The following COG7 variants were observed in gnomAD, a reference collection of about 807,000 sequenced individuals.
The protein encoded by COG7 is conserved oligomeric Golgi complex subunit 7.
A neutral mutation model predicts 91.5 loss-of-function variants in COG7; 49 were observed. The ratio of observed to expected loss-of-function variants is 0.54; its 90% CI spans 0.43 to 0.68. The LOEUF (loss-of-function observed/expected upper bound fraction) is 0.68, where lower values mean the gene tolerates loss of function less well. Among genes scored for constraint, COG7 ranks in the 30% least tolerant of loss-of-function variants. COG7 has a pLI of 0.00. For missense variants in COG7, 895 were observed against 961.3 expected, an observed-to-expected ratio of 0.93 and a Z score of 0.91; for synonymous variants, 365 against 388.7, an observed-to-expected ratio of 0.94 and a Z score of 0.72.
At chr16:23,431,579 G>A (rs1473402831) in intron 6 of COG7, among the ~76,000 whole-genome samples, 1 of 152,068 alleles carries the variant, frequency 6.6e-6, no homozygotes, top group East Asian at 1.9e-4. Flanking sequence ...GGAGGTCGAG[G>A]TGGGTGGTCA....
chr16:23,444,935 G>T (rs1964157981), intron 3 of COG7, 113 bp downstream of exon 3: 1 of 841,054 alleles, frequency 1.2e-6, no homozygotes. Flanking sequence ...CCCTGAGTCT[G>T]AAGGTTTCTG....
intron 6 of COG7, among the ~76,000 whole-genome samples, chr16:23,432,407 C>T (rs931977944): frequency 6.6e-6 from 1 of 151,932 alleles, no homozygotes; most frequent in Non-Finnish European, 1.5e-5. Flanking sequence ...GTTGGGGTTT[C>T]GTACATAGCA....
At chr16:23,419,837 A>C (rs1963724399) in intron 7 of COG7, among the ~76,000 whole-genome samples, 1 of 150,810 alleles carries the variant, frequency 6.6e-6, no homozygotes, top group Non-Finnish European at 1.5e-5. Flanking sequence ...GACTTCCTAG[A>C]AACAGAATAC....
intron 10 of COG7, among the ~76,000 whole-genome samples, chr16:23,411,554 G>GT (rs1303057130): frequency 6.6e-6 from 1 of 152,148 alleles, no homozygotes; most frequent in Non-Finnish European, 1.5e-5. Context: ...GGACGTGCAG[G>GT]TTTGTTAATA....
intron 12 of COG7, 140 bp from the exon 13 acceptor site, chr16:23,403,974 C>A: frequency 1.1e-6 from 1 of 926,066 alleles, no homozygotes. Flanking sequence ...TGCCCCAGGC[C>A]CCTCTGGAGA....
chr16:23,452,687 G>C, intron 1 of COG7, 139 bp downstream of exon 1: 1 of 1,457,874 alleles, frequency 6.9e-7, no homozygotes, highest in Non-Finnish European at 9.0e-7. Context: ...GTGATCAGGA[G>C]TTCGGGGCTT....
chr16:23,415,953 G>A (rs1963645899), intron 9 of COG7: 1 of 152,166 alleles, frequency 6.6e-6, no homozygotes, highest in Non-Finnish European at 1.5e-5. Context: ...CCCTTTTAGA[G>A]AAGATGGCCT....
intron 12 of COG7, among the ~76,000 whole-genome samples, chr16:23,405,010 T>A (rs1963436628): frequency 6.6e-6 from 1 of 152,134 alleles, no homozygotes; most frequent in Admixed American, 6.5e-5. Flanking sequence ...GCCAGACCAG[T>A]GAGGGAGGAG....
intron 1 of COG7, 53 bp downstream of exon 1, chr16:23,452,773 T>G: frequency 6.4e-7 from 1 of 1,568,462 alleles, no homozygotes; most frequent in South Asian, 1.2e-5. Context: ...CGGTGACCTC[T>G]GCCCAGCCGA....
At chr16:23,409,088 T>TGTGTGTGTGTGTGTGCGCGCGC (rs567307217) in intron 11 of COG7, among the ~76,000 whole-genome samples, 35 of 147,806 alleles carry the variant, frequency 2.4e-4, no homozygotes, top group African/African-American at 6.1e-4. Context: ...TGTGTGTGTG[T>TGTGTGTGTGTGTGTGCGCGCGC]GCGTGCATGT....
chr16:23,396,014 C>T (rs1190567651), intron 14 of COG7, among the ~76,000 whole-genome samples: 2 of 152,230 alleles, frequency 1.3e-5, no homozygotes, highest in Admixed American at 6.5e-5. Context: ...AGCTGGCGTC[C>T]TAACAGAGCA....
chr16:23,441,833 T>A (rs963834021), intron 4 of COG7: 3 of 152,324 alleles, frequency 2.0e-5, no homozygotes, highest in Admixed American at 6.5e-5. Flanking sequence ...TAGAGGGAAA[T>A]GCATTCGCAC....
chr16:23,421,850 C>CA (rs369425955), intron 7 of COG7, among the ~76,000 whole-genome samples: 1,127 of 46,822 alleles, frequency 0.024, 14 homozygotes, highest in South Asian at 0.04. Context: ...GACTCCATCT[C>CA]AAAAAAAAAA....
At chr16:23,438,619 A>G (rs1254802726) in intron 4 of COG7, among the ~76,000 whole-genome samples, 2 of 152,148 alleles carry the variant, frequency 1.3e-5, no homozygotes, top group Admixed American at 1.3e-4. Flanking sequence ...TTCCAGGAAT[A>G]TACAAATAGT....
At chr16:23,395,775 A>G (rs1963275972) in intron 14 of COG7, among the ~76,000 whole-genome samples, 1 of 152,214 alleles carries the variant, frequency 6.6e-6, no homozygotes, top group Non-Finnish European at 1.5e-5. Context: ...CACATATGCA[A>G]TCAATATTTC....
chr16:23,395,950 C>G (rs1963278626), intron 14 of COG7, among the ~76,000 whole-genome samples: 1 of 152,228 alleles, frequency 6.6e-6, no homozygotes, highest in Admixed American at 6.5e-5. Flanking sequence ...CCTCATATTA[C>G]TTCAAAAGGT....
rs766815684 is a variant in COG7, at chr16:23,406,206, G to C, written c.1532C>G (p.Ala511Gly). The change falls in exon 12 of 17, where the codon GCT becomes GGT. Residue 511 changes from alanine (A) to glycine (G), a missense_variant. Physicochemically the swap from Ala to Gly is moderately conservative, Grantham distance 60 (BLOSUM62 0). Coordinates refer to ENST00000307149, the MANE Select transcript of COG7 (RefSeq NM_153603.4). ...TGTCAAGATGCTCTCCTGAAAACCAGCCAGGCTCCGGGGGCTGCAGGAATC... is the reference window on the plus strand; with the variant it reads ...TGTCAAGATGCTCTCCTGAAAACCACCCAGGCTCCGGGGGCTGCAGGAATC... The part of the protein sequence containing the change: ...LSDSCSPRSL[A>G]GFQESILTDK... 3.1e-6 allele frequency: 5 copies of C among 1,614,146 alleles called. No homozygotes were observed. Among genetic ancestry groups the C allele is most frequent in the Non-Finnish European group, 4.2e-6 (5 of 1,180,010 alleles).
At chr16:23,429,099 C>T (rs1464269029) in intron 6 of COG7, among the ~76,000 whole-genome samples, 1 of 152,136 alleles carries the variant, frequency 6.6e-6, no homozygotes, top group Non-Finnish European at 1.5e-5. Context: ...AGGTGATCCT[C>T]CCACCTCAGC....
chr16:23,430,207 T>A (rs1963912306), intron 6 of COG7, among the ~76,000 whole-genome samples: 1 of 152,074 alleles, frequency 6.6e-6, no homozygotes, highest in Admixed American at 6.6e-5. Flanking sequence ...AGTGGGAGGA[T>A]CACTTGAGCC....
Sources: gnomAD v4.1 joint callset for allele counts (sites outside exome capture counted in the v4.1 genomes callset) on GRCh38, gnomAD v4.1.1 for gene constraint, MANE v1.5 for transcripts, NCBI Gene and HGNC (gene_info 2026-07-23, HGNC 2026-07-21) for gene names.